The following UGT2A2 variants were observed in gnomAD, a reference collection of about 807,000 sequenced individuals.
UGT2A2 encodes the protein UDP glucuronosyltransferase family 2 member A2.
UGT2A2 carries 60 observed loss-of-function variants against 50.7 expected under a neutral mutation model. The ratio of observed to expected loss-of-function variants is 1.18; its 90% CI spans 0.96 to 1.47. The LOEUF is 1.47. UGT2A2 is among the 40% of genes most tolerant of loss of function. The pLI, the probability that UGT2A2 is intolerant of heterozygous loss-of-function variation, is 0.00. For missense variants in UGT2A2, 762 were observed against 634.0 expected (o/e 1.20, Z -2.17); for synonymous variants, 242 against 214.6 (o/e 1.13, Z -1.11).
chr4:69,605,944 C>T (rs1156309035), intron 1 of UGT2A2, among the ~76,000 whole-genome samples: 1 of 135,778 alleles, frequency 7.4e-6, no homozygotes, highest in African/African-American at 3.0e-5. Flanking sequence ...GCTTAGCAAC[C>T]AAAAAAAGTC....
At chr4:69,624,372 T>G (rs1382952696) in intron 1 of UGT2A2, among the ~76,000 whole-genome samples, 1 of 151,448 alleles carries the variant, frequency 6.6e-6, no homozygotes, top group East Asian at 1.9e-4. Context: ...TTTCTTAAGA[T>G]AGCACAGAGT....
chr4:69,623,314 T>C (rs1720858125), intron 1 of UGT2A2, among the ~76,000 whole-genome samples: 1 of 151,800 alleles, frequency 6.6e-6, no homozygotes, highest in South Asian at 2.1e-4. Context: ...TGTAACACTC[T>C]GTTTTGAGTT....
intron 5 of UGT2A2, among the ~76,000 whole-genome samples, chr4:69,593,310 T>C (rs1382068792): frequency 7.0e-6 from 1 of 143,016 alleles, no homozygotes; most frequent in Non-Finnish European, 1.5e-5. Flanking sequence ...AGAGTAAATG[T>C]GAGAAAAAAA....
At chr4:69,628,275 T>G (rs4694027) in intron 1 of UGT2A2, among the ~76,000 whole-genome samples, 6,339 of 136,736 alleles carry the variant, frequency 0.046, 211 homozygotes, top group South Asian at 0.15. Flanking sequence ...AAAATTTATA[T>G]GGAGCCACAA....
chr4:69,598,159 A>G (rs1719050567), intron 2 of UGT2A2, among the ~76,000 whole-genome samples: 2 of 152,196 alleles, frequency 1.3e-5, no homozygotes, highest in Non-Finnish European at 2.9e-5. Context: ...GCCTGCAGCC[A>G]TAACTTGACT....
At position 69,639,615 on chromosome 4, in the gene UGT2A2, A is replaced by T. The variant is rs756150470; in HGVS notation, c.26T>A (p.Met9Lys). Residue 9 changes from methionine (M) to lysine (K), a missense_variant, in exon 1 of 6, where the codon ATG (methionine) becomes AAG (lysine). Coordinates refer to ENST00000604629, the MANE Select transcript of UGT2A2 (RefSeq NM_001105677.2). Reference sequence around the variant, plus strand: ...CAGCATCTGGACAAACTTCTTAGGCATGGTAAAATCCCTTATGGAAACCAT... The same window carrying T: ...CAGCATCTGGACAAACTTCTTAGGCTTGGTAAAATCCCTTATGGAAACCAT... MVSIRDFT[M>K]PKKFVQMLVF... The T allele has an allele frequency of 6.3e-7, 1 of 1,598,498 alleles. No individual in the cohort carries two copies. The highest frequency in any genetic ancestry group is 1.4e-5 in the African/African-American group (1 of 74,062).
chr4:69,603,188 A>G (rs375702761), intron 1 of UGT2A2, among the ~76,000 whole-genome samples: 3 of 137,546 alleles, frequency 2.2e-5, no homozygotes, highest in East Asian at 4.1e-4. Flanking sequence ...CATACGGAAA[A>G]GCAAAGAGCC....
At chr4:69,602,675 T>A (rs1341706328) in intron 1 of UGT2A2, among the ~76,000 whole-genome samples, 6 of 137,634 alleles carry the variant, frequency 4.4e-5, no homozygotes, top group Non-Finnish European at 9.3e-5. Flanking sequence ...CTGAAAAACT[T>A]GGAATAGTTT....
At chr4:69,638,831 T>C in intron 1 of UGT2A2, 68 bp downstream of exon 1, 1 of 1,453,200 alleles carries the variant, frequency 6.9e-7, no homozygotes, top group Non-Finnish European at 9.1e-7. Flanking sequence ...ATGGAAATCG[T>C]TTGCCATATG....
At position 69,589,016 on chromosome 4, in the gene UGT2A2, C is replaced by T. The variant is rs187751756; in HGVS notation, c.*356G>A. 9.6e-4 allele frequency: 172 copies of T among 178,560 alleles called. No individual in the cohort carries two copies. Among genetic ancestry groups the T allele is most frequent in the African/African-American group, 4.0e-3 (168 of 41,938 alleles). The allele number at this position is 178,560 out of a possible 1,614,324, so 11.1% of individuals were successfully genotyped here. A position where few individuals can be genotyped will look rare whatever the true frequency, so the allele number is the denominator to read the frequency against. ...ATTCCATCTACACTGTATGCATTAC[C>T]AGGATTCAGCATATTGTTAATCATT... On this transcript the variant is annotated 3_prime_UTR_variant, in exon 6 of 6. Coordinates refer to ENST00000604629, the MANE Select transcript of UGT2A2 (RefSeq NM_001105677.2).
In UGT2A2 at chr4:69,589,612, A is replaced by G; in HGVS notation, c.1371T>C (p.His457=). The G allele has an allele frequency of 1.2e-6, 2 of 1,613,952 alleles. No individual in the cohort carries two copies. The highest frequency in any genetic ancestry group is 1.7e-6 in the Non-Finnish European group (2 of 1,179,862). Residue 457 remains histidine (H), a synonymous_variant, in exon 6 of 6, where the codon CAT becomes CAC. Coordinates refer to ENST00000604629, the MANE Select transcript of UGT2A2 (RefSeq NM_001105677.2). ...GATCCAGGGGCTTTACAGGTTGATC[A>G]TGGTGAATTCTTGATAACCTCATAG... ...ENAMRLSRIH[H]DQPVKPLDRA...
intron 1 of UGT2A2, among the ~76,000 whole-genome samples, chr4:69,630,727 T>A (rs190756212): frequency 6.6e-6 from 1 of 152,134 alleles, no homozygotes; most frequent in South Asian, 2.1e-4. Context: ...AAATTATATA[T>A]GTTTTATTAT....
intron 1 of UGT2A2, among the ~76,000 whole-genome samples, chr4:69,625,666 C>T (rs772020775): frequency 6.6e-6 from 1 of 150,900 alleles, no homozygotes; most frequent in Non-Finnish European, 1.5e-5. Context: ...TTTGGCCATA[C>T]CCTATTTTTG....
chr4:69,639,503 C>A lies in UGT2A2; in HGVS notation c.138G>T (p.Lys46Asn). 2.5e-6 allele frequency: 4 copies of A among 1,613,312 alleles called. No homozygotes were observed. The highest frequency in any genetic ancestry group is 2.5e-6 in the Non-Finnish European group (3 of 1,179,560). ...PTDGSHWLNIKIILEELIQRN... is the reference protein window; with the variant it reads ...PTDGSHWLNINIILEELIQRN... The stretch of plus-strand genomic sequence containing the variant: ...TTTGAATCAACTCTTCTAGAATAAT[C>A]TTAATATTTAACCAATGGCTACCAT... Residue 46 changes from lysine (K) to asparagine (N), a missense_variant, in exon 1 of 6, where the codon AAG (lysine) becomes AAT (asparagine). Transcript: ENST00000604629.
At chr4:69,596,129 C>A in intron 3 of UGT2A2, 121 bp downstream of exon 3, 1 of 1,290,254 alleles carries the variant, frequency 7.8e-7, no homozygotes, top group Non-Finnish European at 1.0e-6. Flanking sequence ...TTACTTACAA[C>A]TGTTACTAGT....
chr4:69,605,331 T>A (rs1719544654), intron 1 of UGT2A2, among the ~76,000 whole-genome samples: 1 of 136,638 alleles, frequency 7.3e-6, no homozygotes, highest in African/African-American at 3.0e-5. Flanking sequence ...ACTGGGTACA[T>A]AACGAAATGA....
chr4:69,611,956 A>G (rs576670218), intron 1 of UGT2A2, among the ~76,000 whole-genome samples: 51 of 152,262 alleles, frequency 3.3e-4, no homozygotes, highest in African/African-American at 1.2e-3. Context: ...ATGTATAGCA[A>G]GAAAAATTTC....
chr4:69,633,531 AC>A (rs1721504059), intron 1 of UGT2A2, among the ~76,000 whole-genome samples: 1 of 152,184 alleles, frequency 6.6e-6, no homozygotes, highest in Non-Finnish European at 1.5e-5. Flanking sequence ...AGGTGGCAAA[AC>A]CAAAATAGCC....
At chr4:69,629,157 AC>A (rs1304146838) in intron 1 of UGT2A2, among the ~76,000 whole-genome samples, 1 of 151,898 alleles carries the variant, frequency 6.6e-6, no homozygotes, top group East Asian at 1.9e-4. Flanking sequence ...TGATATTCAC[AC>A]ATGCTACTCT....
Sources: allele counts gnomAD v4.1 joint callset (sites outside exome capture counted in the v4.1 genomes callset), GRCh38; gene constraint gnomAD v4.1.1; transcripts MANE v1.5; gene names NCBI Gene and HGNC (gene_info 2026-07-23, HGNC 2026-07-21).